Variants in HOXD13 observed in about 807,000 individuals in gnomAD.
HOXD13 encodes the protein homeobox protein Hox-D13.
A neutral mutation model predicts 27.3 loss-of-function variants in HOXD13; 16 were observed. The ratio of observed to expected loss-of-function variants is 0.59; its 90% CI spans 0.40 to 0.89. The LOEUF (loss-of-function observed/expected upper bound fraction) is 0.89. Among genes scored for constraint, HOXD13 ranks in the 40% least tolerant of loss-of-function variants. HOXD13 has a pLI of 0.00. For synonymous variants in HOXD13, 241 were observed against 219.0 expected (o/e 1.10, Z -0.89); for missense variants, 481 against 482.6 (o/e 1.00, Z 0.03).
chr2:176,090,274 G>A (rs1308710395), upstream of HOXD13, among the ~76,000 whole-genome samples: 1 of 152,240 alleles, frequency 6.6e-6, no homozygotes, highest in Non-Finnish European at 1.5e-5. Flanking sequence ...AAGGGGCAAA[G>A]CTCCTAATTC....
Position 176,092,880 on chromosome 2 carries a change from C to A in HOXD13, c.-11C>A. The A allele has an allele frequency of 8.0e-7, 1 of 1,245,654 alleles. No homozygotes were observed. The highest frequency in any genetic ancestry group is 1.0e-6 in the Non-Finnish European group (1 of 998,746). The allele number at this position is 1,245,654 out of a possible 1,614,324, so 77.2% of individuals were successfully genotyped here. On this transcript the variant is annotated 5_prime_UTR_variant, in exon 1 of 2. Coordinates refer to ENST00000392539, the MANE Select transcript of HOXD13 (RefSeq NM_000523.4). Reference sequence around the variant, plus strand: ...GCCAGGGCCAGGGCCGGGGCCGGGCCAGGCCGGGCCATGAGCCGCGCCGGG... The same window carrying A: ...GCCAGGGCCAGGGCCGGGGCCGGGCAAGGCCGGGCCATGAGCCGCGCCGGG...
rs1689386852 is a variant in HOXD13 at position 176,094,737 on chromosome 2, C to A, written c.*7C>A. 1 of 1,613,664 alleles carries A rather than the reference C, an allele frequency of 6.2e-7. No homozygotes were observed. The highest frequency in any genetic ancestry group is 1.1e-5 in the South Asian group (1 of 90,986). On this transcript the variant is annotated 3_prime_UTR_variant, in exon 2 of 2. Transcript: ENST00000392539. ...CAAAGATACTGTCTCCTGATGTGGT[C>A]CAGGTTGGCCACAGACAGCTTAGAA...
Position 176,092,795 on chromosome 2 carries a change from C to G in HOXD13, c.-96C>G. ...GCTAGAGGAAGAGGGCGGGAGCGAGCGAACCAGAGAGAAAGGAGAGGAGGG... is the reference window on the plus strand; with the variant it reads ...GCTAGAGGAAGAGGGCGGGAGCGAGGGAACCAGAGAGAAAGGAGAGGAGGG... On this transcript the variant is annotated 5_prime_UTR_variant, in exon 1 of 2. Transcript: ENST00000392539. 1.2e-6 allele frequency: 1 copy of G among 824,484 alleles called. No individual in the cohort carries two copies. 51.1% of individuals were successfully genotyped at this position (824,484 alleles called of 1,614,324 possible).
rs1432870648 is a variant in HOXD13, at chr2:176,095,291, T to C, written c.*561T>C. The C allele has an allele frequency of 4.4e-6, 1 of 228,912 alleles. No homozygotes were observed. Among genetic ancestry groups the C allele is most frequent in the Admixed American group, 5.7e-5 (1 of 17,698 alleles). 14.2% of individuals were successfully genotyped at this position (228,912 alleles called of 1,614,324 possible). ...AAACAGGAGGCTGAAGGTACTGTGATGGCTTTAAAAATGGCCACCTTATTA... is the reference window on the plus strand; with the variant it reads ...AAACAGGAGGCTGAAGGTACTGTGACGGCTTTAAAAATGGCCACCTTATTA... On this transcript the variant is annotated 3_prime_UTR_variant, in exon 2 of 2. Coordinates refer to ENST00000392539, the MANE Select transcript of HOXD13 (RefSeq NM_000523.4).
chr2:176,089,383 A>G (rs847201), upstream of HOXD13, among the ~76,000 whole-genome samples: 99,735 of 152,100 alleles, frequency 0.66, 34,078 homozygotes, highest in African/African-American at 0.85. Context: ...TTTCTACACC[A>G]AATATTTGGC....
chr2:176,092,827 C>A lies in HOXD13; in HGVS notation c.-64C>A. On this transcript the variant is annotated 5_prime_UTR_variant, in exon 1 of 2. Transcript: ENST00000392539. Reference sequence around the variant, plus strand: ...GAGAGAAAGGAGAGGAGGGAGGAGGCGCGCCGCGCCATGGTGTCCTGCGCG... The same window carrying A: ...GAGAGAAAGGAGAGGAGGGAGGAGGAGCGCCGCGCCATGGTGTCCTGCGCG... 1 of 1,064,212 alleles carries A rather than the reference C, an allele frequency of 9.4e-7. No individual in the cohort carries two copies. Among genetic ancestry groups the A allele is most frequent in the Non-Finnish European group, 1.2e-6 (1 of 842,688 alleles). The allele number at this position is 1,064,212 out of a possible 1,614,324, so 65.9% of individuals were successfully genotyped here.
the HOXD13 span, among the ~76,000 whole-genome samples, chr2:176,087,535 G>C: frequency 4.6e-5 from 7 of 152,244 alleles, no homozygotes; most frequent in Non-Finnish European, 8.8e-5. Flanking sequence ...GATTATAGGC[G>C]TGAGCCACTG....
chr2:176,093,095 G>T lies in HOXD13; in HGVS notation c.205G>T (p.Ala69Ser). ...GGCAGCGGCGGCTGCGGCGGCGGCG[G>T]CGGCAGCCTCCGGCTTTGCGTACCC... is the stretch of plus-strand genomic sequence containing the variant. Reference protein sequence around the residue: ...AAAAAAAAAAAAASGFAYPGT... With the variant: ...AAAAAAAAAASAASGFAYPGT... The change falls in exon 1 of 2, where the codon GCG (alanine) becomes TCG (serine). Residue 69 changes from alanine to serine, a missense_variant. Coordinates refer to ENST00000392539, the MANE Select transcript of HOXD13 (RefSeq NM_000523.4). 1 of 1,439,528 alleles carries T rather than the reference G, an allele frequency of 6.9e-7. No homozygotes were observed. The highest frequency in any genetic ancestry group is 9.0e-7 in the Non-Finnish European group (1 of 1,110,676). 89.2% of individuals were successfully genotyped at this position (1,439,528 alleles called of 1,614,324 possible).
chr2:176,089,800 A>C (rs1316798132), upstream of HOXD13, among the ~76,000 whole-genome samples: 1 of 152,214 alleles, frequency 6.6e-6, no homozygotes, highest in Admixed American at 6.5e-5. Context: ...CAAAATCAGG[A>C]ACAGCGGCAA....
In HOXD13 at chr2:176,093,373, C is replaced by G; in HGVS notation, c.483C>G (p.Gly161=). ...CATCGCCGCACGCCTCGCTGGGAGG[C>G]TTTCCCGTGGAGAAGTACATGGACG... ...LKSSPHASLG[G]FPVEKYMDVS... is the part of the protein sequence containing the mutation. Residue 161 remains glycine, a synonymous_variant, in exon 1 of 2, where the codon GGC becomes GGG. Coordinates refer to ENST00000392539, the MANE Select transcript of HOXD13 (RefSeq NM_000523.4). 6.2e-7 allele frequency: 1 copy of G among 1,613,958 alleles called. No homozygotes were observed. The highest frequency in any genetic ancestry group is 1.3e-5 in the African/African-American group (1 of 75,068).
rs1178429699 is a variant in HOXD13, at chr2:176,094,843, A to C, written c.*113A>C. 1.1e-6 allele frequency: 1 copy of C among 893,112 alleles called. No homozygotes were observed. The highest frequency in any genetic ancestry group is 2.5e-5 in the East Asian group (1 of 39,532). The allele number at this position is 893,112 out of a possible 1,614,324, so 55.3% of individuals were successfully genotyped here. The stretch of plus-strand genomic sequence containing the variant: ...CCCCCACCCCCTGCCAATGGTGGCA[A>C]ATTTTGTGAATTGTTTTTCTCTCTT... On this transcript the variant is annotated 3_prime_UTR_variant, in exon 2 of 2. Coordinates refer to ENST00000392539, the MANE Select transcript of HOXD13 (RefSeq NM_000523.4).
upstream of HOXD13, among the ~76,000 whole-genome samples, chr2:176,088,793 CT>C (rs1689279944): frequency 6.6e-6 from 1 of 152,176 alleles, no homozygotes. Context: ...TCGGATAAAA[CT>C]TCAGCAAATT....
upstream of HOXD13, among the ~76,000 whole-genome samples, chr2:176,090,651 C>T (rs897973773): frequency 2.0e-5 from 3 of 152,168 alleles, no homozygotes; most frequent in Non-Finnish European, 1.5e-5. Context: ...TTTGTTGGTT[C>T]TACTTATATC....
Position 176,092,921 on chromosome 2 carries a change from G to C in HOXD13, c.31G>C (p.Gly11Arg). The change falls in exon 1 of 2, where the codon GGG becomes CGG. Residue 11 changes from glycine to arginine, a missense_variant. By Grantham distance (125) the Gly-to-Arg change is moderately radical. Transcript: ENST00000392539. Reference protein sequence around the residue: MSRAGSWDMDGLRADGGGAGG... With the variant: MSRAGSWDMDRLRADGGGAGG... ...CCGCGCCGGGAGCTGGGACATGGAC[G>C]GGCTGCGGGCAGACGGCGGGGGCGC... 5 of 1,320,634 alleles carry C rather than the reference G, an allele frequency of 3.8e-6. No individual in the cohort carries two copies. The highest frequency in any genetic ancestry group is 4.1e-5 in the South Asian group (2 of 48,752). 81.8% of individuals were successfully genotyped at this position (1,320,634 alleles called of 1,614,324 possible). A position where few individuals can be genotyped will look rare whatever the true frequency, so the allele number is the denominator to read the frequency against.
chr2:176,088,152 G>A (rs1689269064), upstream of HOXD13, among the ~76,000 whole-genome samples: 1 of 152,292 alleles, frequency 6.6e-6, no homozygotes, highest in Non-Finnish European at 1.5e-5. Context: ...CAGTGGGACA[G>A]TAGGACCGCG....
At chr2:176,088,257 C>T (rs900569303), upstream of HOXD13, among the ~76,000 whole-genome samples, 12 of 152,256 alleles carry the variant, frequency 7.9e-5, no homozygotes, top group African/African-American at 2.9e-4. Flanking sequence ...ACTCAGATTT[C>T]GAGCCCTCGG....
chr2:176,095,529 C>T lies in HOXD13; in HGVS notation c.*799C>T, dbSNP rs772885363. 5 of 229,132 alleles carry T rather than the reference C, an allele frequency of 2.2e-5. No individual in the cohort carries two copies. The highest frequency in any genetic ancestry group is 1.8e-4 in the South Asian group (1 of 5,476). The allele number at this position is 229,132 out of a possible 1,614,324, so 14.2% of individuals were successfully genotyped here. A position where few individuals can be genotyped will look rare whatever the true frequency, so the allele number is the denominator to read the frequency against. ...TGGCTGCAATCAGTAGAGTGACCCG[C>T]GGATGGCATAAATGCACCTCCTTTT... On this transcript the variant is annotated 3_prime_UTR_variant, in exon 2 of 2. Coordinates refer to ENST00000392539, the MANE Select transcript of HOXD13 (RefSeq NM_000523.4).
At chr2:176,093,791 AC>A in intron 1 of HOXD13, 120 bp downstream of exon 1, 1 of 663,626 alleles carries the variant, frequency 1.5e-6, no homozygotes, top group Middle Eastern at 3.3e-4. Context: ...TCCACACGTG[AC>A]CAGGGTTAAC....
intron 1 of HOXD13, among the ~76,000 whole-genome samples, chr2:176,094,020 G>A (rs989746286): frequency 6.6e-6 from 1 of 152,152 alleles, no homozygotes; most frequent in Non-Finnish European, 1.5e-5. Flanking sequence ...CATTTTCAAA[G>A]ACATCACTGC....
Sources: allele counts gnomAD v4.1 joint callset (sites outside exome capture counted in the v4.1 genomes callset), GRCh38; gene constraint gnomAD v4.1.1; transcripts MANE v1.5; gene names NCBI Gene and HGNC (gene_info 2026-07-23, HGNC 2026-07-21).